The following STK3 variants were observed in gnomAD, a reference collection of about 807,000 sequenced individuals.
STK3 encodes serine/threonine kinase 3.
A neutral mutation model predicts 58.0 loss-of-function variants in STK3; 41 were observed. The observed-to-expected ratio is 0.71, with a 90% CI of 0.55 to 0.92. The LOEUF is 0.92. STK3 is among the 40% of genes least tolerant of loss of function. STK3 has a pLI of 0.00. For synonymous variants in STK3, 170 were observed against 191.0 expected (o/e 0.89, Z 0.91); for missense variants, 479 against 602.7 (o/e 0.79, Z 2.15).
chr8:98,356,913 G>A, the STK3 span, among the ~76,000 whole-genome samples: 73 of 152,210 alleles, frequency 4.8e-4, no homozygotes, highest in African/African-American at 1.5e-3. Context: ...GAGCGTGGTC[G>A]GTCTGTGGCC....
At chr8:98,694,460 A>G (rs1824685304) in intron 6 of STK3, among the ~76,000 whole-genome samples, 1 of 152,050 alleles carries the variant, frequency 6.6e-6, no homozygotes, top group African/African-American at 2.4e-5. Context: ...TTAACTCGTC[A>G]TTTAGCATTA....
At chr8:98,584,111 A>G (rs1348753374) in intron 7 of STK3, among the ~76,000 whole-genome samples, 1 of 149,316 alleles carries the variant, frequency 6.7e-6, no homozygotes, top group Non-Finnish European at 1.5e-5. Context: ...TTCTTTTATT[A>G]TTATACTTTA....
chr8:98,628,668 G>A (rs1190319382), intron 6 of STK3, among the ~76,000 whole-genome samples: 2 of 151,900 alleles, frequency 1.3e-5, no homozygotes, highest in African/African-American at 4.8e-5. Context: ...CAGTCCTAGT[G>A]GTATGTGCCT....
intron 1 of STK3, among the ~76,000 whole-genome samples, chr8:98,444,057 C>A (rs1818800893): frequency 6.6e-6 from 1 of 152,216 alleles, no homozygotes; most frequent in Non-Finnish European, 1.5e-5. Flanking sequence ...TTTGTCAGGG[C>A]CTGTGCTGGT....
At chr8:98,429,180 G>C in intron 3 of STK3, 1 of 1,613,816 alleles carries the variant, frequency 6.2e-7, no homozygotes, top group East Asian at 2.2e-5. Context: ...AGGCATCCTC[G>C]TGGTGGTCCT....
At chr8:98,722,007 T>C (rs1827465395) in intron 4 of STK3, among the ~76,000 whole-genome samples, 1 of 151,936 alleles carries the variant, frequency 6.6e-6, no homozygotes, top group Admixed American at 6.6e-5. Flanking sequence ...TAAATGATCA[T>C]AAAAAGCTCT....
At chr8:98,730,998 A>C (rs1391091819) in intron 4 of STK3, among the ~76,000 whole-genome samples, 1 of 152,200 alleles carries the variant, frequency 6.6e-6, no homozygotes, top group African/African-American at 2.4e-5. Flanking sequence ...AAAGTACAGA[A>C]GGAGGAGGAA....
chr8:98,364,415 G>A, the STK3 span, among the ~76,000 whole-genome samples: 1 of 152,028 alleles, frequency 6.6e-6, no homozygotes, highest in Non-Finnish European at 1.5e-5. Context: ...CTCTCCTTCT[G>A]CCTCTCACAC....
chr8:98,535,593 C>T (rs1809690107), intron 9 of STK3, among the ~76,000 whole-genome samples: 1 of 152,000 alleles, frequency 6.6e-6, no homozygotes, highest in African/African-American at 2.4e-5. Flanking sequence ...AATAAACAGT[C>T]AGGGTTCTCT....
intron 3 of STK3, among the ~76,000 whole-genome samples, chr8:98,856,518 C>G (rs773260009): frequency 3.7e-4 from 57 of 152,096 alleles, no homozygotes; most frequent in Non-Finnish European, 7.1e-4. Flanking sequence ...CCATTTCACA[C>G]AGTAGGATGG....
At chr8:98,369,569 A>C (rs1052538084), downstream of STK3, among the ~76,000 whole-genome samples, 3 of 152,094 alleles carry the variant, frequency 2.0e-5, no homozygotes, top group Non-Finnish European at 4.4e-5. Flanking sequence ...TCCAGAAAAT[A>C]AGTTTCATGT....
At chr8:98,508,864 C>T (rs1214520082) in intron 10 of STK3, among the ~76,000 whole-genome samples, 2 of 152,114 alleles carry the variant, frequency 1.3e-5, no homozygotes, top group African/African-American at 2.4e-5. Flanking sequence ...AATATTTTAA[C>T]TGCATAGCCT....
At chr8:98,423,396 G>T (rs1331008557) in intron 3 of STK3, among the ~76,000 whole-genome samples, 1 of 152,242 alleles carries the variant, frequency 6.6e-6, no homozygotes, top group Non-Finnish European at 1.5e-5. Context: ...GGAGCAAAGC[G>T]GGCATGCGGC....
At chr8:98,529,366 T>C (rs1435434510) in intron 9 of STK3, among the ~76,000 whole-genome samples, 1 of 152,132 alleles carries the variant, frequency 6.6e-6, no homozygotes, top group Non-Finnish European at 1.5e-5. Flanking sequence ...TCTCTATGTG[T>C]GTTATTTGAC....
At chr8:98,888,796 C>T (rs900444463) in intron 1 of STK3, among the ~76,000 whole-genome samples, 4 of 152,238 alleles carry the variant, frequency 2.6e-5, no homozygotes, top group Non-Finnish European at 5.9e-5. Context: ...TGAACTAGCA[C>T]ACCAGTCACC....
At chr8:98,825,259 A>G (rs1835173726) in intron 1 of STK3, among the ~76,000 whole-genome samples, 1 of 151,928 alleles carries the variant, frequency 6.6e-6, no homozygotes, top group Admixed American at 6.6e-5. Context: ...GGCCGCAGGG[A>G]GCCCGGCGCT....
intron 6 of STK3, among the ~76,000 whole-genome samples, chr8:98,663,951 A>G (rs993746290): frequency 2.6e-5 from 4 of 152,182 alleles, no homozygotes; most frequent in Non-Finnish European, 5.9e-5. Context: ...AGGATTGTTG[A>G]GAAGACTAGA....
At chr8:98,511,228 T>G (rs1321426309) in intron 10 of STK3, among the ~76,000 whole-genome samples, 1 of 151,986 alleles carries the variant, frequency 6.6e-6, no homozygotes, top group Non-Finnish European at 1.5e-5. Flanking sequence ...TCATATTTTT[T>G]GAATTTGAAT....
chr8:98,627,173 G>A (rs1313070254), intron 6 of STK3, among the ~76,000 whole-genome samples: 1 of 152,014 alleles, frequency 6.6e-6, no homozygotes, highest in African/African-American at 2.4e-5. Flanking sequence ...GAACTCAGGG[G>A]TTCAAGACCA....
Sources: gnomAD v4.1 joint callset for allele counts (sites outside exome capture counted in the v4.1 genomes callset) on GRCh38, gnomAD v4.1.1 for gene constraint, MANE v1.5 for transcripts, NCBI Gene and HGNC (gene_info 2026-07-23, HGNC 2026-07-21) for gene names.